Variants in MGME1 observed in about 807,000 individuals in gnomAD.
The protein encoded by MGME1 is chromosome 20 open reading frame 72.
Under a neutral mutation model 33.0 loss-of-function variants are expected in MGME1, and 22 were observed. The ratio of observed to expected loss-of-function variants is 0.67; its 90% CI spans 0.48 to 0.95. The LOEUF (loss-of-function observed/expected upper bound fraction) is 0.95. Ranked by LOEUF, MGME1 falls within the 40% of genes least tolerant of loss-of-function variation. MGME1 has a pLI of 0.00. For missense variants in MGME1, 383 were observed against 397.8 expected (o/e 0.96, Z 0.32); for synonymous variants, 133 against 144.0 (o/e 0.92, Z 0.55).
chr20:17,970,502 C>T, intron 2 of MGME1, 132 bp downstream of exon 2: 2 of 812,382 alleles, frequency 2.5e-6, no homozygotes, highest in Non-Finnish European at 3.8e-6. Context: ...TAGTAATTAA[C>T]ATTAAATAGC....
chr20:17,972,786 C>T, intron 2 of MGME1: 3 of 985,278 alleles, frequency 3.0e-6, no homozygotes, highest in Non-Finnish European at 3.6e-6. Context: ...GGTCTATTGG[C>T]ATGGCATTTG....
In MGME1 at chr20:17,990,952, G is replaced by A. The variant is rs923217862; in HGVS notation, c.*843G>A. The A allele has an allele frequency of 6.6e-6, 1 of 152,160 alleles. No homozygotes were observed. The highest frequency in any genetic ancestry group is 2.4e-5 in the African/African-American group (1 of 41,442). The allele number at this position is 152,160 out of a possible 1,614,324, so 9.4% of individuals were successfully genotyped here. On this transcript the variant is annotated 3_prime_UTR_variant, in exon 5 of 5. Transcript: ENST00000377710. ...GGTAATAAAAATTAGTTGTCCCTGG[G>A]TTTGGGAAACTTAAATGCCCATTAC...
At chr20:17,987,094 A>C (rs6136250) in intron 3 of MGME1, among the ~76,000 whole-genome samples, 42,204 of 150,820 alleles carry the variant, frequency 0.28, 6,134 homozygotes, top group East Asian at 0.43. Context: ...GCAGAAGAAT[A>C]GCTTGAACCC....
At chr20:17,975,623 T>G in intron 2 of MGME1, 61 bp from the exon 3 acceptor site, 2 of 1,241,158 alleles carry the variant, frequency 1.6e-6, no homozygotes, top group East Asian at 2.4e-5. Flanking sequence ...AGAGTATTTG[T>G]TTTTCAGTGT....
Position 17,969,908 on chromosome 20 carries a change from A to C in MGME1, c.49A>C (p.Lys17Gln). ...QTICRQLRSS[K>Q]FSVESAALVA... ...CATTTGCAGGCAGCTCAGGAGTTCAAAGTTTTCTGTGGAATCAGCTGCCCT... is the reference window on the plus strand; with the variant it reads ...CATTTGCAGGCAGCTCAGGAGTTCACAGTTTTCTGTGGAATCAGCTGCCCT... Residue 17 changes from lysine (K) to glutamine (Q), a missense_variant, in exon 2 of 5, where the codon AAG (lysine) becomes CAG (glutamine). By Grantham distance (53) the Lys-to-Gln change is moderately conservative (BLOSUM62 1). Transcript: ENST00000377710. The C allele has an allele frequency of 6.2e-7, 1 of 1,613,748 alleles. No individual in the cohort carries two copies. Among genetic ancestry groups the C allele is most frequent in the South Asian group, 1.1e-5 (1 of 91,024 alleles).
intron 2 of MGME1, 111 bp from the exon 3 acceptor site, chr20:17,975,573 A>G: frequency 1.2e-6 from 1 of 852,334 alleles, no homozygotes; most frequent in Non-Finnish European, 1.8e-6. Context: ...AAAAAAGAAA[A>G]AAAAATGTCA....
intron 3 of MGME1, among the ~76,000 whole-genome samples, chr20:17,976,861 A>G (rs1272088484): frequency 2.0e-5 from 3 of 151,926 alleles, no homozygotes; most frequent in Non-Finnish European, 4.4e-5. Context: ...GGGTTTCTCC[A>G]TGTTGGTCAG....
chr20:17,975,786 A>T lies in MGME1; in HGVS notation c.614A>T (p.Tyr205Phe). 37 of 1,614,132 alleles carry T rather than the reference A, an allele frequency of 2.3e-5. No individual in the cohort carries two copies. The highest frequency in any genetic ancestry group is 3.1e-5 in the Non-Finnish European group (37 of 1,179,990). Residue 205 changes from tyrosine (Y) to phenylalanine (F), a missense_variant, in exon 3 of 5, where the codon TAC becomes TTC. Coordinates refer to ENST00000377710, the MANE Select transcript of MGME1 (RefSeq NM_052865.4). ...ERDENLLKSG[Y>F]IESVQHILKD... The stretch of plus-strand genomic sequence containing the variant: ...GATGAAAATCTCCTCAAGTCTGGTT[A>T]CATTGAAAGTGTCCAGCATATTCTG...
At chr20:17,968,598 C>G, upstream of MGME1, 1 of 644,228 alleles carries the variant, frequency 1.6e-6, no homozygotes, top group Middle Eastern at 3.8e-4. Context: ...CCAGCTGCCC[C>G]GGGAGCAGGC....
chr20:17,978,986 C>A (rs1371381948), intron 3 of MGME1, among the ~76,000 whole-genome samples: 2 of 152,074 alleles, frequency 1.3e-5, no homozygotes, highest in East Asian at 3.9e-4. Flanking sequence ...ACATGTTGCC[C>A]AGGCTGGTCT....
intron 3 of MGME1, among the ~76,000 whole-genome samples, chr20:17,977,768 A>G (rs6045119): frequency 0.81 from 122,968 of 152,160 alleles, 50,322 homozygotes; most frequent in East Asian, 0.97. Context: ...TTAACCTTAA[A>G]CATCTAGAGG....
rs528057195 is a variant in MGME1 at position 17,987,937 on chromosome 20, C to T, written c.732-229C>T. Among the ~76,000 whole-genome samples the T allele has an allele frequency of 5.3e-5, 8 of 152,178 alleles. No homozygotes were observed. In the South Asian group the frequency reaches 1.7e-3, roughly 32 times the overall value. Reference sequence around the variant, plus strand: ...AAGTGGGGGGGTGCACTTATAGTCCCAGCTACTTGGGAGGCTGAGGTGGGA... The same window carrying T: ...AAGTGGGGGGGTGCACTTATAGTCCTAGCTACTTGGGAGGCTGAGGTGGGA... On this transcript the variant is annotated intron_variant, in intron 3 of 4. Transcript: ENST00000377710.
chr20:17,989,723 G>T (rs541479877), intron 4 of MGME1, among the ~76,000 whole-genome samples: 1 of 149,330 alleles, frequency 6.7e-6, no homozygotes, highest in East Asian at 1.9e-4. Flanking sequence ...TTTTTCAATG[G>T]CTCTGTAAGG....
intron 3 of MGME1, among the ~76,000 whole-genome samples, chr20:17,980,087 G>A (rs6111769): frequency 0.28 from 41,898 of 151,816 alleles, 6,051 homozygotes; most frequent in East Asian, 0.43. Context: ...GTACAATGGC[G>A]AGATCTTGGC....
At position 17,990,176 on chromosome 20, in the gene MGME1, C is replaced by T. The variant is rs780972791; in HGVS notation, c.*67C>T. ...GTTTGGGAACATATATTGCTGTTTA[C>T]TCCAGTGTAAAAATGAGGTGCCACT... On this transcript the variant is annotated 3_prime_UTR_variant, in exon 5 of 5. Coordinates refer to ENST00000377710, the MANE Select transcript of MGME1 (RefSeq NM_052865.4). The T allele has an allele frequency of 7.1e-7, 1 of 1,410,568 alleles. No individual in the cohort carries two copies. The highest frequency in any genetic ancestry group is 1.2e-5 in the South Asian group (1 of 86,006). 87.4% of individuals were successfully genotyped at this position (1,410,568 alleles called of 1,614,324 possible). A position where few individuals can be genotyped will look rare whatever the true frequency, so the allele number is the denominator to read the frequency against.
chr20:17,983,279 G>GTGT (rs2036078815), intron 3 of MGME1, among the ~76,000 whole-genome samples: 1 of 151,246 alleles, frequency 6.6e-6, no homozygotes, highest in Non-Finnish European at 1.5e-5. Context: ...GTGTGTGTGT[G>GTGT]TGTGTGTGTG....
At chr20:17,975,083 A>T (rs1320611633) in intron 2 of MGME1, among the ~76,000 whole-genome samples, 1 of 152,180 alleles carries the variant, frequency 6.6e-6, no homozygotes, top group African/African-American at 2.4e-5. Context: ...CATAAACTGG[A>T]TGTGGTCTTG....
rs1473430635 is a variant in MGME1, at chr20:17,970,210, T to G, written c.351T>G (p.Pro117=). 6.2e-7 allele frequency: 1 copy of G among 1,614,224 alleles called. No individual in the cohort carries two copies. Among genetic ancestry groups the G allele is most frequent in the South Asian group, 1.1e-5 (1 of 91,086 alleles). The change falls in exon 2 of 5, where the codon CCT becomes CCG. Residue 117 remains proline (P), a synonymous_variant. Coordinates refer to ENST00000377710, the MANE Select transcript of MGME1 (RefSeq NM_052865.4). The stretch of plus-strand genomic sequence containing the variant: ...GTGATAAACCAAATGCAAGTGATCC[T>G]TCAGTTCCTTTGAAAATCCCCTTGC... ...ERSDKPNASD[P]SVPLKIPLQR...
At chr20:17,986,463 C>T (rs1264161266) in intron 3 of MGME1, among the ~76,000 whole-genome samples, 2 of 151,274 alleles carry the variant, frequency 1.3e-5, no homozygotes, top group African/African-American at 4.9e-5. Context: ...GCAAACTCCA[C>T]CTCCTGGGCT....
Sources: allele counts gnomAD v4.1 joint callset (sites outside exome capture counted in the v4.1 genomes callset), GRCh38; gene constraint gnomAD v4.1.1; transcripts MANE v1.5; gene names NCBI Gene and HGNC (gene_info 2026-07-23, HGNC 2026-07-21).